SEC14L5: variants seen among roughly 807,000 people sequenced by gnomAD.
The protein encoded by SEC14L5 is SEC14 like lipid binding 5, also known as SEC14-like protein 5.
SEC14L5 carries 96 observed loss-of-function variants against 84.6 expected under a neutral mutation model. The ratio of observed to expected loss-of-function variants is 1.13; its 90% CI spans 0.96 to 1.34. The LOEUF is 1.34. Ranked by LOEUF, SEC14L5 falls within the 40% of genes most tolerant of loss-of-function variation. SEC14L5 has a pLI of 0.00. For synonymous variants in SEC14L5, 546 were observed against 383.4 expected (o/e 1.42, Z -4.95); for missense variants, 1,224 against 942.5 (o/e 1.30, Z -3.91).
intron 14 of SEC14L5, 44 bp downstream of exon 14, chr16:5,008,692 G>A (rs757867667): frequency 1.3e-6 from 2 of 1,521,784 alleles, no homozygotes; most frequent in Non-Finnish European, 1.8e-6. Context: ...AAGCAGCACT[G>A]AGTGTCCACT....
chr16:5,010,970 G>A, intron 14 of SEC14L5, 125 bp from the exon 15 acceptor site: 2 of 888,494 alleles, frequency 2.3e-6, no homozygotes, highest in Non-Finnish European at 3.4e-6. Context: ...GTGGACTGGA[G>A]AAAGGGACAG....
chr16:4,981,839 C>G (rs1458729727), intron 2 of SEC14L5, among the ~76,000 whole-genome samples: 1 of 152,158 alleles, frequency 6.6e-6, no homozygotes, highest in Non-Finnish European at 1.5e-5. Context: ...GGAGGTGGAG[C>G]TGGACTTCTA....
At chr16:4,963,263 A>G (rs1955151628) in intron 2 of SEC14L5, among the ~76,000 whole-genome samples, 1 of 152,230 alleles carries the variant, frequency 6.6e-6, no homozygotes, top group Admixed American at 6.5e-5. Context: ...ATCTAGTCAA[A>G]TAAACAGAGA....
chr16:4,971,587 G>T (rs1955280905), intron 2 of SEC14L5, among the ~76,000 whole-genome samples: 1 of 152,164 alleles, frequency 6.6e-6, no homozygotes, highest in South Asian at 2.1e-4. Context: ...CTGAGGGGGA[G>T]TTACTCATTT....
intron 2 of SEC14L5, among the ~76,000 whole-genome samples, chr16:4,962,613 G>C (rs969258882): frequency 6.6e-6 from 1 of 151,548 alleles, no homozygotes; most frequent in South Asian, 2.1e-4. Flanking sequence ...GCTTAAACCC[G>C]GGAGGCGGAG....
In SEC14L5 at chr16:4,994,365, CT is replaced by C. The variant is rs532101149; in HGVS notation, c.668-1973del. Among the ~76,000 whole-genome samples the C allele has an allele frequency of 5.2e-3, 781 of 149,206 alleles. 2 individuals are homozygous for C. The highest frequency in any genetic ancestry group is 0.018 in the African/African-American group (746 of 40,758). On this transcript the variant is annotated intron_variant, in intron 6 of 15. Transcript: ENST00000251170. ...TCATACAACATGTATTATTCTTTTTCTTTTTTTTTTATCTGTCACCCAGGCT... is the reference window on the plus strand; with the variant it reads ...TCATACAACATGTATTATTCTTTTTCTTTTTTTTTATCTGTCACCCAGGCT...
chr16:4,993,334 C>A (rs928566271), intron 6 of SEC14L5, among the ~76,000 whole-genome samples: 1 of 152,062 alleles, frequency 6.6e-6, no homozygotes, highest in Admixed American at 6.6e-5. Flanking sequence ...CTCTGCCTCC[C>A]GGCTTCAAGC....
At chr16:4,964,404 T>C (rs8052424) in intron 2 of SEC14L5, among the ~76,000 whole-genome samples, 1 of 151,704 alleles carries the variant, frequency 6.6e-6, no homozygotes, top group Non-Finnish European at 1.5e-5. Context: ...CTGACCAACA[T>C]GGAGAAACCC....
intron 12 of SEC14L5, among the ~76,000 whole-genome samples, chr16:5,006,717 C>T (rs1384144157): frequency 5.3e-5 from 8 of 152,204 alleles, no homozygotes; most frequent in Non-Finnish European, 8.8e-5. Context: ...CTGTTCTCTC[C>T]GTTTGTGATG....
At chr16:4,976,232 A>T (rs1955337310) in intron 2 of SEC14L5, among the ~76,000 whole-genome samples, 2 of 152,148 alleles carry the variant, frequency 1.3e-5, no homozygotes, top group Admixed American at 1.3e-4. Flanking sequence ...CCTTTTACAC[A>T]CAAAGGAATT....
At position 5,016,406 on chromosome 16, in the gene SEC14L5, C is replaced by G. The variant is rs549731455; in HGVS notation, c.*1436C>G. ...AAATTGAGGCATTTCGCATCGAAAT[C>G]AGGATTTCTGGCTTCCCTTAGGCAT... On this transcript the variant is annotated 3_prime_UTR_variant, in exon 16 of 16. Coordinates refer to ENST00000251170, the MANE Select transcript of SEC14L5 (RefSeq NM_014692.2). 1 of 152,342 alleles carries G rather than the reference C, an allele frequency of 6.6e-6. No individual in the cohort carries two copies. Among genetic ancestry groups the G allele is most frequent in the South Asian group, 2.1e-4 (1 of 4,822 alleles). The allele number at this position is 152,342 out of a possible 1,614,324, so 9.4% of individuals were successfully genotyped here.
chr16:5,006,090 G>C (rs767017969), intron 12 of SEC14L5, 42 bp downstream of exon 12: 1 of 1,604,264 alleles, frequency 6.2e-7, no homozygotes, highest in Non-Finnish European at 8.5e-7. Context: ...GCTTGAGGAG[G>C]GGGCATGCCT....
At chr16:4,973,275 T>C (rs1297922699) in intron 2 of SEC14L5, among the ~76,000 whole-genome samples, 1 of 152,218 alleles carries the variant, frequency 6.6e-6, no homozygotes, top group Non-Finnish European at 1.5e-5. Context: ...CAGACGCTGT[T>C]CTGACCCTGT....
At position 4,988,200 on chromosome 16, in the gene SEC14L5, A is replaced by C. The variant is rs1955515080; in HGVS notation, c.265A>C (p.Lys89Gln). 3 of 1,612,116 alleles carry C rather than the reference A, an allele frequency of 1.9e-6. No homozygotes were observed. Among genetic ancestry groups the C allele is most frequent in the Non-Finnish European group, 2.5e-6 (3 of 1,179,014 alleles). The change falls in exon 4 of 16, where the codon AAG (lysine) becomes CAG (glutamine). Residue 89 changes from lysine (K) to glutamine (Q), a missense_variant. Transcript: ENST00000251170. ...CGTGCAGACAAACATCTTGAACTGGAAGGAGAGGACGCTCCTCATCGAAGC... is the reference window on the plus strand; with the variant it reads ...CGTGCAGACAAACATCTTGAACTGGCAGGAGAGGACGCTCCTCATCGAAGC... ...VFVQTNILNW[K>Q]ERTLLIEAHN... is the part of the protein sequence containing the mutation.
chr16:4,961,152 A>C (rs896270772), intron 2 of SEC14L5, among the ~76,000 whole-genome samples: 1 of 151,778 alleles, frequency 6.6e-6, no homozygotes, highest in Non-Finnish European at 1.5e-5. Flanking sequence ...GCGCACCTGT[A>C]GTCCCATCTA....
intron 2 of SEC14L5, among the ~76,000 whole-genome samples, chr16:4,978,116 T>C (rs1955369895): frequency 7.1e-6 from 1 of 140,962 alleles, no homozygotes; most frequent in African/African-American, 2.6e-5. Context: ...TTTTATTTTT[T>C]AAAGAAACAA....
rs1955545271 is a variant in SEC14L5, at chr16:4,990,837, G to T, written c.416G>T (p.Gly139Val). Residue 139 changes from glycine (G) to valine (V), a missense_variant, in exon 5 of 16, where the codon GGC becomes GTC. Physicochemically the swap from Gly to Val is moderately radical, Grantham distance 109 (BLOSUM62 -3). Coordinates refer to ENST00000251170, the MANE Select transcript of SEC14L5 (RefSeq NM_014692.2). ...TCACTGGACATTCGGTCTTTCTTTG[G>T]CTTTGAAAATGCCTTGGAGAAGATC... is the stretch of plus-strand genomic sequence containing the variant. ...SASLDIRSFF[G>V]FENALEKIAM... 6.2e-7 allele frequency: 1 copy of T among 1,611,824 alleles called. No homozygotes were observed. The highest frequency in any genetic ancestry group is 1.3e-5 in the African/African-American group (1 of 74,740).
intron 8 of SEC14L5, among the ~76,000 whole-genome samples, chr16:4,997,654 C>T (rs1338810477): frequency 2.6e-5 from 4 of 152,150 alleles, no homozygotes; most frequent in African/African-American, 4.8e-5. Context: ...AGCAAATTGG[C>T]ACAATCTTGG....
In SEC14L5 at chr16:4,988,225, C is replaced by A. The variant is rs763734902; in HGVS notation, c.290C>A (p.Ala97Glu). The A allele has an allele frequency of 1.3e-5, 21 of 1,613,524 alleles. No individual in the cohort carries two copies. The highest frequency in any genetic ancestry group is 1.6e-5 in the Non-Finnish European group (19 of 1,179,632). ...AAGGAGAGGACGCTCCTCATCGAAG[C>A]GCACAATGAGACCTTCGCCAACCGC... ...NWKERTLLIE[A>E]HNETFANRVV... Residue 97 changes from alanine to glutamate, a missense_variant, in exon 4 of 16, where the codon GCG becomes GAG. Transcript: ENST00000251170.
Sources: gnomAD v4.1 joint callset for allele counts (sites outside exome capture counted in the v4.1 genomes callset) on GRCh38, gnomAD v4.1.1 for gene constraint, MANE v1.5 for transcripts, NCBI Gene and HGNC (gene_info 2026-07-23, HGNC 2026-07-21) for gene names.